CDYL2: variants seen among roughly 807,000 people sequenced by gnomAD.
The protein encoded by CDYL2 is chromodomain Y-like protein 2.
In CDYL2, 23 loss-of-function variants were observed where a neutral mutation model predicts 49.4. That is an observed-to-expected ratio of 0.47 (90% CI 0.34 to 0.66). The LOEUF is 0.66. Ranked by LOEUF, CDYL2 falls within the 30% of genes least tolerant of loss-of-function variation. CDYL2 has a pLI of 0.01. For synonymous variants in CDYL2, 360 were observed against 268.8 expected (o/e 1.34, Z -3.32); for missense variants, 678 against 656.4 (o/e 1.03, Z -0.36).
At chr16:80,708,926 T>G (rs1245198077) in intron 1 of CDYL2, among the ~76,000 whole-genome samples, 1 of 152,180 alleles carries the variant, frequency 6.6e-6, no homozygotes, top group African/African-American at 2.4e-5. Context: ...AATTGCTTAT[T>G]ATAAAGCAAC....
rs555867876 is a variant in CDYL2, at chr16:80,724,383, AG to A, written c.25-39255del. 5.6e-3 allele frequency among the ~76,000 whole-genome samples: 853 copies of A among 152,304 alleles called. 5 individuals are homozygous for A. The highest frequency in any genetic ancestry group is 0.019 in the African/African-American group (795 of 41,568). On this transcript the variant is annotated intron_variant, in intron 1 of 6. Transcript: ENST00000570137. Reference sequence around the variant, plus strand: ...GACCTAGAGAAATTATTTCTGTCTTAGCATTGCTATCAGGTGGCTCTTTTTT... The same window carrying A: ...GACCTAGAGAAATTATTTCTGTCTTACATTGCTATCAGGTGGCTCTTTTTT...
chr16:80,632,584 A>C (rs1597136200), intron 3 of CDYL2: 1 of 154,884 alleles, frequency 6.5e-6, no homozygotes, highest in Admixed American at 5.7e-5. Context: ...AATCTGTCTC[A>C]ATTATATATA....
intron 2 of CDYL2, among the ~76,000 whole-genome samples, chr16:80,652,856 C>T (rs1036873300): frequency 6.6e-5 from 10 of 152,194 alleles, no homozygotes; most frequent in Non-Finnish European, 1.0e-4. Flanking sequence ...CCAAGCAGCT[C>T]TCCTCAAAAC....
chr16:80,776,745 C>G (rs750317021), intron 1 of CDYL2, among the ~76,000 whole-genome samples: 10 of 151,664 alleles, frequency 6.6e-5, no homozygotes, highest in Non-Finnish European at 1.3e-4. Context: ...TAATGGGATT[C>G]TGATTTCATA....
At chr16:80,762,497 C>T (rs11150312) in intron 1 of CDYL2, among the ~76,000 whole-genome samples, 31,397 of 152,026 alleles carry the variant, frequency 0.21, 4,549 homozygotes, top group African/African-American at 0.42. Flanking sequence ...ATCGCCAAAG[C>T]GTCAGATGGC....
chr16:80,670,769 C>T (rs1395761151), intron 2 of CDYL2, among the ~76,000 whole-genome samples: 4 of 152,128 alleles, frequency 2.6e-5, no homozygotes, highest in African/African-American at 9.7e-5. Flanking sequence ...CATGTTGCAA[C>T]ATAAAAAGTG....
chr16:80,628,543 C>G (rs976467244), intron 3 of CDYL2, among the ~76,000 whole-genome samples: 19 of 152,210 alleles, frequency 1.2e-4, no homozygotes, highest in African/African-American at 3.1e-4. Context: ...CTCCACTTGA[C>G]AGCAGCCTTG....
In CDYL2 at chr16:80,612,951, G is replaced by A; in HGVS notation, c.1008-115C>T. Reference sequence around the variant, plus strand: ...CACCCTCAGGTCGTCAGAGGTTAGAGGTGCCAGGCAAGGGCCTCATTGCCT... The same window carrying A: ...CACCCTCAGGTCGTCAGAGGTTAGAAGTGCCAGGCAAGGGCCTCATTGCCT... On this transcript the variant is annotated intron_variant, in intron 4 of 6. Transcript: ENST00000570137. This position sits in a 1 kb window ranked among gnomAD's most constrained non-coding sequence, Gnocchi z 5.0. 1.1e-6 allele frequency: 1 copy of A among 944,502 alleles called. No individual in the cohort carries two copies. The highest frequency in any genetic ancestry group is 1.5e-6 in the Non-Finnish European group (1 of 649,436). 58.5% of individuals were successfully genotyped at this position (944,502 alleles called of 1,614,324 possible).
intron 1 of CDYL2, among the ~76,000 whole-genome samples, chr16:80,779,055 T>C (rs907075606): frequency 6.6e-6 from 1 of 151,816 alleles, no homozygotes; most frequent in Admixed American, 6.6e-5. Flanking sequence ...TATTTTGTCA[T>C]GAGGATAGCC....
chr16:80,680,128 G>C (rs1909912211), intron 2 of CDYL2, among the ~76,000 whole-genome samples: 1 of 152,214 alleles, frequency 6.6e-6, no homozygotes, highest in Admixed American at 6.5e-5. Flanking sequence ...AAATGTTCTA[G>C]AAGTGAAAGC....
At chr16:80,658,957 T>G (rs577753823) in intron 2 of CDYL2, among the ~76,000 whole-genome samples, 2 of 152,284 alleles carry the variant, frequency 1.3e-5, no homozygotes, top group East Asian at 3.9e-4. Flanking sequence ...GGCCAAATCT[T>G]GGATGTTTTC....
At chr16:80,638,553 C>G (rs562663356) in intron 2 of CDYL2, among the ~76,000 whole-genome samples, 3 of 151,730 alleles carry the variant, frequency 2.0e-5, no homozygotes, top group Non-Finnish European at 4.4e-5. Flanking sequence ...GGAGGACTCA[C>G]ACTACCCAAT....
chr16:80,795,736 G>GT lies in CDYL2; in HGVS notation c.24+8413dup, dbSNP rs201067864. Among the ~76,000 whole-genome samples the GT allele has an allele frequency of 8.4e-3, 1,277 of 152,294 alleles. 22 individuals carry two copies. Among genetic ancestry groups the GT allele is most frequent in the African/African-American group, 0.029 (1,223 of 41,552 alleles). On this transcript the variant is annotated intron_variant, in intron 1 of 6. Transcript: ENST00000570137. Reference sequence around the variant, plus strand: ...TGCCTGCCATCCTGAGCACTCCAGTGTGACAGAACACCCAGGCCTGGTTGA... The same window carrying GT: ...TGCCTGCCATCCTGAGCACTCCAGTGTTGACAGAACACCCAGGCCTGGTTGA...
At position 80,599,187 on chromosome 16, in the gene CDYL2, A is replaced by C. The variant is rs1253155189; in HGVS notation, c.*5201T>G. On this transcript the variant is annotated 3_prime_UTR_variant, in exon 7 of 7. Coordinates refer to ENST00000570137, the MANE Select transcript of CDYL2 (RefSeq NM_152342.4). ...AAAAACACCAGAGGTGAAGTTGAAA[A>C]CTAGATATGGGTTTTTCTGACTGCC... 1.3e-5 allele frequency: 2 copies of C among 152,280 alleles called. No individual in the cohort carries two copies. The highest frequency in any genetic ancestry group is 2.4e-5 in the African/African-American group (1 of 41,548). 9.4% of individuals were successfully genotyped at this position (152,280 alleles called of 1,614,324 possible). A position where few individuals can be genotyped will look rare whatever the true frequency, so the allele number is the denominator to read the frequency against.
intron 6 of CDYL2, 104 bp from the exon 7 acceptor site, chr16:80,604,650 C>T: frequency 8.1e-7 from 1 of 1,238,604 alleles, no homozygotes; most frequent in Non-Finnish European, 1.2e-6. Context: ...TACTCACAGC[C>T]AGAGAAGGCT....
At chr16:80,716,157 C>T (rs1904791491) in intron 1 of CDYL2, among the ~76,000 whole-genome samples, 1 of 152,236 alleles carries the variant, frequency 6.6e-6, no homozygotes. Context: ...GTTCACTCCT[C>T]ATTCTTATCT....
At chr16:80,768,792 G>A (rs970066862) in intron 1 of CDYL2, among the ~76,000 whole-genome samples, 6 of 152,130 alleles carry the variant, frequency 3.9e-5, no homozygotes, top group African/African-American at 1.4e-4. Context: ...TGCTGTACTA[G>A]CTTTGTAACT....
intron 2 of CDYL2, among the ~76,000 whole-genome samples, chr16:80,640,949 G>A (rs1026276335): frequency 1.3e-5 from 2 of 152,130 alleles, no homozygotes; most frequent in Non-Finnish European, 2.9e-5. Flanking sequence ...CATGCCTACA[G>A]GATCTAGAAA....
intron 1 of CDYL2, among the ~76,000 whole-genome samples, chr16:80,789,796 G>C (rs1907551793): frequency 6.6e-6 from 1 of 152,074 alleles, no homozygotes; most frequent in South Asian, 2.1e-4. Flanking sequence ...TATCCTAAAT[G>C]AACTAATAAA....
Sources: gnomAD v4.1 joint callset for allele counts (sites outside exome capture counted in the v4.1 genomes callset) on GRCh38, gnomAD v4.1.1 for gene constraint, Gnocchi (gnomAD v3.1) non-coding constraint, MANE v1.5 for transcripts, NCBI Gene and HGNC (gene_info 2026-07-23, HGNC 2026-07-21) for gene names.